EIF2S2: variants seen among roughly 807,000 people sequenced by gnomAD.
EIF2S2 encodes eukaryotic translation initiation factor 2 subunit beta.
A neutral mutation model predicts 44.0 loss-of-function variants in EIF2S2; 4 were observed. That is an observed-to-expected ratio of 0.09 (90% CI 0.04 to 0.21). The LOEUF (loss-of-function observed/expected upper bound fraction) is 0.21, where lower values mean the gene tolerates loss of function less well. Among genes scored for constraint, EIF2S2 ranks in the 10% least tolerant of loss-of-function variants. EIF2S2 has a pLI of 1.00. For synonymous variants in EIF2S2, 108 were observed against 128.3 expected, an observed-to-expected ratio of 0.84 and a Z score of 1.07; for missense variants, 154 against 392.0, an observed-to-expected ratio of 0.39 and a Z score of 5.13.
chr20:34,089,697 A>T lies in EIF2S2; in HGVS notation c.*33T>A. The T allele has an allele frequency of 6.3e-7, 1 of 1,591,934 alleles. No individual in the cohort carries two copies. The highest frequency in any genetic ancestry group is 8.6e-7 in the Non-Finnish European group (1 of 1,165,624). ...GGCAAACCTGTCCAGCCACATCTCC[A>T]CAACAAGCTTTGCAAAATCAGTGAT... On this transcript the variant is annotated 3_prime_UTR_variant, in exon 9 of 9. Transcript: ENST00000374980.
At chr20:34,097,353 T>A in intron 5 of EIF2S2, 63 bp downstream of exon 5, 1 of 1,374,234 alleles carries the variant, frequency 7.3e-7, no homozygotes. Context: ...ATAAGATTTA[T>A]CTTGCTCTTC....
At chr20:34,108,757 CT>C (rs1468156923) in intron 1 of EIF2S2, among the ~76,000 whole-genome samples, 3 of 152,072 alleles carry the variant, frequency 2.0e-5, no homozygotes, top group African/African-American at 7.2e-5. Flanking sequence ...AAATTAGAAG[CT>C]TCCTCTCATA....
At chr20:34,102,485 G>A (rs2034305502) in intron 3 of EIF2S2, among the ~76,000 whole-genome samples, 1 of 152,172 alleles carries the variant, frequency 6.6e-6, no homozygotes. Context: ...TCAAAAGCTT[G>A]ACTTGCTGTA....
At position 34,111,576 on chromosome 20, in the gene EIF2S2, C is replaced by T. The variant is rs1319065509; in HGVS notation, c.15+520G>A. ...GAATCTTTTTCTCTCGTTCTAACCCCATCACCCCCTCGTCTTTTTAAAAAA... is the reference window on the plus strand; with the variant it reads ...GAATCTTTTTCTCTCGTTCTAACCCTATCACCCCCTCGTCTTTTTAAAAAA... On this transcript the variant is annotated intron_variant, in intron 1 of 8. Coordinates refer to ENST00000374980, the MANE Select transcript of EIF2S2 (RefSeq NM_003908.5). 2.0e-5 allele frequency among the ~76,000 whole-genome samples: 3 copies of T among 152,318 alleles called. No individual in the cohort carries two copies. The East Asian group carries it at 5.8e-4, about 29-fold the overall frequency.
At chr20:34,104,465 A>T (rs554485193) in intron 2 of EIF2S2, among the ~76,000 whole-genome samples, 1 of 152,242 alleles carries the variant, frequency 6.6e-6, no homozygotes, top group South Asian at 2.1e-4. Context: ...TTGCTTATCT[A>T]TCTCCCTACT....
intron 1 of EIF2S2, 116 bp from the exon 2 acceptor site, chr20:34,105,661 A>T: frequency 9.9e-7 from 1 of 1,007,436 alleles, no homozygotes; most frequent in Non-Finnish European, 1.4e-6. Flanking sequence ...TGATACATTA[A>T]AACACCAAAG....
At chr20:34,091,233 A>G (rs2034158656) in intron 7 of EIF2S2, among the ~76,000 whole-genome samples, 1 of 152,200 alleles carries the variant, frequency 6.6e-6, no homozygotes, top group African/African-American at 2.4e-5. Context: ...ACTGCATCAT[A>G]CCATGTACAA....
intron 2 of EIF2S2, among the ~76,000 whole-genome samples, chr20:34,104,506 A>C (rs959803411): frequency 6.6e-6 from 1 of 152,212 alleles, no homozygotes; most frequent in African/African-American, 2.4e-5. Flanking sequence ...TTGTTCACCT[A>C]AATTCTACTG....
chr20:34,111,053 CAAGT>C (rs888729400), intron 1 of EIF2S2, among the ~76,000 whole-genome samples: 23 of 152,274 alleles, frequency 1.5e-4, no homozygotes, highest in African/African-American at 5.1e-4. Context: ...TTGTGAGAAC[CAAGT>C]AAGAGACTGG....
intron 1 of EIF2S2, among the ~76,000 whole-genome samples, chr20:34,106,934 T>G (rs1419168267): frequency 6.6e-6 from 1 of 152,034 alleles, no homozygotes; most frequent in Non-Finnish European, 1.5e-5. Flanking sequence ...GTAATCCCAG[T>G]ACTTTGGGAG....
chr20:34,098,756 G>A, intron 3 of EIF2S2, 123 bp from the exon 4 acceptor site: 9 of 1,189,324 alleles, frequency 7.6e-6, no homozygotes, highest in Non-Finnish European at 1.0e-5. Flanking sequence ...TCAAACTCCT[G>A]GCCTCAAGAG....
At chr20:34,111,304 C>T (rs969170638) in intron 1 of EIF2S2, among the ~76,000 whole-genome samples, 7 of 152,216 alleles carry the variant, frequency 4.6e-5, no homozygotes, top group African/African-American at 1.7e-4. Context: ...CAATGTTAAG[C>T]AATACCTACT....
At chr20:34,111,952 G>A (rs753136663) in intron 1 of EIF2S2, 144 bp downstream of exon 1, 3 of 946,746 alleles carry the variant, frequency 3.2e-6, no homozygotes, top group Non-Finnish European at 4.2e-6. Context: ...AGTCCTCGCC[G>A]GCTCTGCCGC....
At position 34,112,224 on chromosome 20, in the gene EIF2S2, C is replaced by A. The variant is rs1296731307; in HGVS notation, c.-114G>T. On this transcript the variant is annotated 5_prime_UTR_variant, in exon 1 of 9. An upstream start codon of the reference 5' UTR is lost. Coordinates refer to ENST00000374980, the MANE Select transcript of EIF2S2 (RefSeq NM_003908.5). ...CTCCCACCACCGCACTAGGCTCTTGCATCAGCGAAAGGAAACGACACCCCG... is the reference window on the plus strand; with the variant it reads ...CTCCCACCACCGCACTAGGCTCTTGAATCAGCGAAAGGAAACGACACCCCG... The A allele has an allele frequency of 1.8e-5, 21 of 1,189,820 alleles. No individual in the cohort carries two copies. Among genetic ancestry groups the A allele is most frequent in the Non-Finnish European group, 2.3e-5 (21 of 895,034 alleles). 73.7% of individuals were successfully genotyped at this position (1,189,820 alleles called of 1,614,324 possible).
intron 7 of EIF2S2, among the ~76,000 whole-genome samples, chr20:34,092,225 A>G: frequency 6.6e-6 from 1 of 152,212 alleles, no homozygotes; most frequent in East Asian, 1.9e-4. Context: ...CATTTAACCC[A>G]TTGACCATAA....
intron 7 of EIF2S2, among the ~76,000 whole-genome samples, chr20:34,092,930 A>G (rs1338395407): frequency 6.6e-6 from 1 of 152,210 alleles, no homozygotes; most frequent in Admixed American, 6.5e-5. Flanking sequence ...TATGTGACCA[A>G]CTACAACTTC....
At chr20:34,105,955 ACTGTTGCCCAGGATGGAGTG>A (rs982398778) in intron 1 of EIF2S2, among the ~76,000 whole-genome samples, 4 of 152,090 alleles carry the variant, frequency 2.6e-5, no homozygotes, top group African/African-American at 9.7e-5. Flanking sequence ...ACAGGGTCTC[ACTGTTGCCCAGGATGGAGTG>A]CAGTGGCATG....
intron 2 of EIF2S2, among the ~76,000 whole-genome samples, chr20:34,105,053 A>G (rs1464211024): frequency 6.6e-6 from 1 of 152,238 alleles, no homozygotes; most frequent in Non-Finnish European, 1.5e-5. Context: ...TGCCTATCTT[A>G]GTACCATTTC....
intron 2 of EIF2S2, among the ~76,000 whole-genome samples, chr20:34,103,984 C>T (rs1449389265): frequency 6.6e-6 from 1 of 152,164 alleles, no homozygotes; most frequent in African/African-American, 2.4e-5. Flanking sequence ...GCTGGGATTA[C>T]AGGCGTGAGC....
Sources: allele counts gnomAD v4.1 joint callset (sites outside exome capture counted in the v4.1 genomes callset), GRCh38; gene constraint gnomAD v4.1.1; transcripts MANE v1.5; gene names NCBI Gene and HGNC (gene_info 2026-07-23, HGNC 2026-07-21).